The following ABCA13 variants were observed in gnomAD, a reference collection of about 807,000 sequenced individuals.
The protein encoded by ABCA13 is ATP-binding cassette sub-family A member 13.
A neutral mutation model predicts 478.7 loss-of-function variants in ABCA13; 476 were observed. The observed-to-expected ratio is 0.99, with a 90% CI of 0.92 to 1.07. The LOEUF (loss-of-function observed/expected upper bound fraction) is 1.07, where lower values mean the gene tolerates loss of function less well. ABCA13 is among the 50% of genes least tolerant of loss of function. The pLI is 0.00. For missense variants in ABCA13, 6,060 were observed against 5,910.6 expected (o/e 1.03, Z -0.83); for synonymous variants, 2,252 against 2,158.9 (o/e 1.04, Z -1.20).
intron 47 of ABCA13, among the ~76,000 whole-genome samples, chr7:48,487,781 G>A (rs994283657): frequency 6.6e-6 from 1 of 152,164 alleles, no homozygotes; most frequent in African/African-American, 2.4e-5. Flanking sequence ...TGCCTGTGTA[G>A]GTGTCTGTGT....
intron 15 of ABCA13, among the ~76,000 whole-genome samples, chr7:48,263,594 C>T (rs1178981331): frequency 6.6e-6 from 1 of 151,870 alleles, no homozygotes; most frequent in African/African-American, 2.4e-5. Context: ...AAATGCTTAG[C>T]ACAGTATCGT....
intron 59 of ABCA13, among the ~76,000 whole-genome samples, chr7:48,642,953 C>A (rs1182245038): frequency 6.6e-6 from 1 of 152,186 alleles, no homozygotes; most frequent in African/African-American, 2.4e-5. Flanking sequence ...CTTCCCAGGG[C>A]CAGTTTCCAG....
chr7:48,254,798 G>A (rs186210866), intron 15 of ABCA13, among the ~76,000 whole-genome samples: 1 of 152,208 alleles, frequency 6.6e-6, no homozygotes, highest in Non-Finnish European at 1.5e-5. Flanking sequence ...AATTTGTGGT[G>A]TTTACTAAAG....
intron 29 of ABCA13, among the ~76,000 whole-genome samples, chr7:48,348,740 A>G (rs772426795): frequency 6.6e-5 from 10 of 152,346 alleles, no homozygotes; most frequent in Admixed American, 2.0e-4. Flanking sequence ...TTTCTGAAAT[A>G]TAGATGATAA....
chr7:48,239,886 C>T (rs1380943489), intron 9 of ABCA13, among the ~76,000 whole-genome samples: 1 of 152,230 alleles, frequency 6.6e-6, no homozygotes, highest in African/African-American at 2.4e-5. Context: ...AGGCTCTAGT[C>T]TGTCTTTATA....
At chr7:48,338,566 T>G in intron 29 of ABCA13, 111 bp downstream of exon 29, 1 of 653,406 alleles carries the variant, frequency 1.5e-6, no homozygotes, top group Non-Finnish European at 2.5e-6. Context: ...AGCAAGTCAC[T>G]TTTCCTCTCT....
At position 48,273,759 on chromosome 7, in the gene ABCA13, G is replaced by A; in HGVS notation, c.4093G>A (p.Val1365Ile). ...TATTTTAGAAGATGGCTTTTTATATGTAAATACCTCACAGAGGATGTTACG... is the reference window on the plus strand; with the variant it reads ...TATTTTAGAAGATGGCTTTTTATATATAAATACCTCACAGAGGATGTTACG... ...ECILEDGFLY[V>I]NTSQRMLRIL... The change falls in exon 17 of 62, where the codon GTA becomes ATA. Residue 1365 changes from valine to isoleucine, a missense_variant. This residue lies in a region of ABCA13 where 4,423 missense variants were observed against 4,309.1 expected (regional missense o/e 1.03). Coordinates refer to ENST00000435803, the MANE Select transcript of ABCA13 (RefSeq NM_152701.5). The A allele has an allele frequency of 1.9e-6, 3 of 1,610,450 alleles. No homozygotes were observed. Among genetic ancestry groups the A allele is most frequent in the Non-Finnish European group, 2.5e-6 (3 of 1,178,138 alleles).
In ABCA13 at chr7:48,310,017, CA is replaced by C; in HGVS notation, c.9393del (p.Glu3136LysfsTer21). ...CAGGAAATCCTTCATCTCCTGCTGA[CA>C]TTTCCCAAAGGGGAAAAATCTTGGA... ...CDQEILHLLLTFPKGEKSWIA... is the reference protein window; with the variant it reads ...CDQEILHLLLXFPKGEKSWIA... On this transcript the variant is annotated frameshift_variant, in exon 24 of 62. Coordinates refer to ENST00000435803, the MANE Select transcript of ABCA13 (RefSeq NM_152701.5). LOFTEE classifies it high-confidence loss of function. The C allele has an allele frequency of 6.2e-7, 1 of 1,613,976 alleles. No individual in the cohort carries two copies. Among genetic ancestry groups the C allele is most frequent in the Non-Finnish European group, 8.5e-7 (1 of 1,179,848 alleles).
At chr7:48,288,472 T>G (rs920963192) in intron 20 of ABCA13, among the ~76,000 whole-genome samples, 3 of 152,232 alleles carry the variant, frequency 2.0e-5, no homozygotes, top group African/African-American at 7.2e-5. Context: ...TTATCTCTCT[T>G]CCTGAGATGA....
intron 36 of ABCA13, among the ~76,000 whole-genome samples, chr7:48,388,740 TA>T (rs948128103): frequency 1.3e-5 from 2 of 152,236 alleles, no homozygotes; most frequent in African/African-American, 4.8e-5. Flanking sequence ...TATGTGTAAC[TA>T]ATCTGCCTGT....
At position 48,199,508 on chromosome 7, in the gene ABCA13, G is replaced by A. The variant is rs1028669344; in HGVS notation, c.287+1148G>A. Among the ~76,000 whole-genome samples, 69 of 152,228 alleles carry A rather than the reference G, an allele frequency of 4.5e-4. 1 individual carries two copies. The highest frequency in any genetic ancestry group is 1.6e-3 in the African/African-American group (65 of 41,538). ...CTATTCACGAAGGCTCTGTCCTCAC[G>A]ATCCAATCACCTCCGCTATATCATC... On this transcript the variant is annotated intron_variant, in intron 3 of 61. Transcript: ENST00000435803.
rs1041231663 is a variant in ABCA13, at chr7:48,307,512, G to C, written c.9322-2435G>C. 1.1e-4 allele frequency among the ~76,000 whole-genome samples: 17 copies of C among 152,126 alleles called. 1 individual carries two copies. Among genetic ancestry groups the C allele is most frequent in the Admixed American group, 9.2e-4 (14 of 15,272 alleles). Reference sequence around the variant, plus strand: ...AGCTACAGGACTGAAGTTGCTCTGGGTGAGTCAGTGAGTGAGTGGCAAGCG... The same window carrying C: ...AGCTACAGGACTGAAGTTGCTCTGGCTGAGTCAGTGAGTGAGTGGCAAGCG... On this transcript the variant is annotated intron_variant, in intron 23 of 61. Transcript: ENST00000435803.
chr7:48,417,878 A>G (rs957478486), intron 41 of ABCA13, among the ~76,000 whole-genome samples: 1 of 152,048 alleles, frequency 6.6e-6, no homozygotes, highest in Non-Finnish European at 1.5e-5. Flanking sequence ...TGATCTTTTT[A>G]CTGTCATCGT....
chr7:48,174,599 A>C (rs561660397), intron 1 of ABCA13, among the ~76,000 whole-genome samples: 1 of 152,254 alleles, frequency 6.6e-6, no homozygotes, highest in Admixed American at 6.5e-5. Context: ...TCTTACCATT[A>C]TTTTAATACC....
chr7:48,287,129 T>C (rs1209048779), intron 19 of ABCA13, among the ~76,000 whole-genome samples: 1 of 152,136 alleles, frequency 6.6e-6, no homozygotes, highest in Non-Finnish European at 1.5e-5. Context: ...GAGGCAGAAC[T>C]CTAAAAGATA....
intron 42 of ABCA13, among the ~76,000 whole-genome samples, chr7:48,441,640 T>C (rs770079598): frequency 1.2e-4 from 18 of 152,210 alleles, no homozygotes; most frequent in Non-Finnish European, 2.5e-4. Flanking sequence ...GGAAGTCACT[T>C]CTTCATGGAG....
chr7:48,210,701 G>T (rs996548572), intron 3 of ABCA13, among the ~76,000 whole-genome samples: 1 of 151,958 alleles, frequency 6.6e-6, no homozygotes, highest in Non-Finnish European at 1.5e-5. Flanking sequence ...GGTCAGAAAA[G>T]ATACTTAATA....
intron 58 of ABCA13, among the ~76,000 whole-genome samples, chr7:48,599,779 C>G (rs1237730292): frequency 6.6e-6 from 1 of 152,136 alleles, no homozygotes; most frequent in Non-Finnish European, 1.5e-5. Flanking sequence ...TCTCCCCCAT[C>G]CCCCACAAAA....
At chr7:48,486,091 T>C (rs1264816381) in intron 47 of ABCA13, among the ~76,000 whole-genome samples, 2 of 152,170 alleles carry the variant, frequency 1.3e-5, no homozygotes, top group Non-Finnish European at 2.9e-5. Flanking sequence ...TCTAGTTTTC[T>C]AACTGAGATC....
Sources: gnomAD v4.1 joint callset for allele counts (sites outside exome capture counted in the v4.1 genomes callset) on GRCh38, gnomAD v4.1.1 for gene constraint, gnomAD v4.1.1 regional missense constraint, MANE v1.5 for transcripts, NCBI Gene and HGNC (gene_info 2026-07-23, HGNC 2026-07-21) for gene names.